Variants in DNAH14 observed in about 807,000 individuals in gnomAD.
DNAH14 encodes the protein dynein axonemal heavy chain 14, also known as axonemal beta dynein heavy chain 14.
DNAH14 carries 478 observed loss-of-function variants against 520.9 expected under a neutral mutation model. That is an observed-to-expected ratio of 0.92 (90% confidence interval 0.85 to 0.99). DNAH14 has a LOEUF of 0.99. DNAH14 is among the 50% of genes least tolerant of loss of function. DNAH14 has a pLI of 0.00. For synonymous variants in DNAH14, 1,581 were observed against 1,757.2 expected, an observed-to-expected ratio of 0.90 and a Z score of 2.51; for missense variants, 4,831 against 5,234.5, an observed-to-expected ratio of 0.92 and a Z score of 2.38.
At chr1:225,352,177 A>G (rs766659333) in intron 72 of DNAH14, among the ~76,000 whole-genome samples, 6 of 152,184 alleles carry the variant, frequency 3.9e-5, no homozygotes, top group Non-Finnish European at 5.9e-5. Context: ...GAACAAACCT[A>G]CATATTTCAT....
At chr1:225,263,055 A>G (rs2092991346) in intron 46 of DNAH14, among the ~76,000 whole-genome samples, 1 of 151,880 alleles carries the variant, frequency 6.6e-6, no homozygotes. Context: ...AAAACTAAAA[A>G]TGTTTTAAGT....
At chr1:224,936,638 A>C (rs1272528390) in intron 1 of DNAH14, among the ~76,000 whole-genome samples, 2 of 151,892 alleles carry the variant, frequency 1.3e-5, no homozygotes, top group East Asian at 3.8e-4. Context: ...TCTACCAAAC[A>C]TTTAAAGAAT....
At chr1:225,020,753 A>G (rs1307446078) in intron 10 of DNAH14, among the ~76,000 whole-genome samples, 7 of 152,130 alleles carry the variant, frequency 4.6e-5, no homozygotes, top group Non-Finnish European at 1.0e-4. Context: ...GCTAGTACCA[A>G]TCCTACTGAA....
chr1:225,179,765 A>G (rs2149282159), intron 36 of DNAH14, among the ~76,000 whole-genome samples: 1 of 152,304 alleles, frequency 6.6e-6, no homozygotes. Context: ...CAGATTGAAG[A>G]ACTCCATTTA....
chr1:225,339,169 G>A (rs905279385), intron 68 of DNAH14, among the ~76,000 whole-genome samples: 2 of 151,674 alleles, frequency 1.3e-5, no homozygotes, highest in African/African-American at 4.8e-5. Context: ...AAATTAGCCA[G>A]GTGTGGTGGT....
Position 225,119,010 on chromosome 1 carries a change from T to C in DNAH14, c.4092-210T>C, listed in dbSNP as rs1377973981. Among the ~76,000 whole-genome samples the C allele has an allele frequency of 1.6e-4, 24 of 152,088 alleles. 1 individual carries two copies. Among genetic ancestry groups the C allele is most frequent in the Admixed American group, 1.6e-3 (24 of 15,280 alleles). On this transcript the variant is annotated intron_variant, in intron 25 of 85. Coordinates refer to ENST00000682510, the MANE Select transcript of DNAH14 (RefSeq NM_001367479.1). Reference sequence around the variant, plus strand: ...ACTTATTTATTGTGTAAATTCATGATTTTGATATCAGAATTTCCTAAAGCA... The same window carrying C: ...ACTTATTTATTGTGTAAATTCATGACTTTGATATCAGAATTTCCTAAAGCA...
Position 224,991,252 on chromosome 1 carries a change from G to A in DNAH14, c.831-11531G>A, listed in dbSNP as rs551849796. Among the ~76,000 whole-genome samples, 14 of 143,320 alleles carry A rather than the reference G, an allele frequency of 9.8e-5. No homozygotes were observed. In the East Asian group the frequency reaches 2.9e-3, roughly 30 times the overall value. The allele number at this position is 143,320 out of a possible 152,430, so 94.0% of individuals were successfully genotyped here. ...AGGGACTACAAGCATGTGCCACCAT[G>A]CCCAGCTAATTTTTTTTTTTTTTTT... is the stretch of plus-strand genomic sequence containing the variant. On this transcript the variant is annotated intron_variant, in intron 8 of 85. Coordinates refer to ENST00000682510, the MANE Select transcript of DNAH14 (RefSeq NM_001367479.1).
chr1:225,396,686 T>C (rs537771314), intron 84 of DNAH14: 1 of 152,388 alleles, frequency 6.6e-6, no homozygotes, highest in East Asian at 1.9e-4. Flanking sequence ...TTCTGCTTTA[T>C]ACAAACAACC....
rs2068535035 is a variant in DNAH14 at position 225,051,513 on chromosome 1, G to A, written c.2142G>A (p.Lys714=). Residue 714 remains lysine, a synonymous_variant, in exon 17 of 86, where the codon AAG becomes AAA. Coordinates refer to ENST00000682510, the MANE Select transcript of DNAH14 (RefSeq NM_001367479.1). ...GCCTAGTTAATGCTTACAGCCACAA[G>A]TTTATAAAGTATTGTACCATGACAG... is the stretch of plus-strand genomic sequence containing the variant. ...SMGLVNAYSH[K]FIKYCTMTEK... The A allele has an allele frequency of 6.5e-7, 1 of 1,547,800 alleles. No homozygotes were observed.
intron 11 of DNAH14, among the ~76,000 whole-genome samples, chr1:225,031,644 T>C (rs1413384251): frequency 6.6e-6 from 1 of 151,398 alleles, no homozygotes; most frequent in Non-Finnish European, 1.5e-5. Context: ...TAATACAAAT[T>C]ATTTTTGTTA....
chr1:225,128,196 T>C (rs2405701), intron 27 of DNAH14, among the ~76,000 whole-genome samples: 30,200 of 151,894 alleles, frequency 0.2, 6,195 homozygotes, highest in African/African-American at 0.51. Flanking sequence ...TGGAGTTGCT[T>C]TTCTTGAGGA....
chr1:225,117,359 T>C (rs1008579845), intron 23 of DNAH14, among the ~76,000 whole-genome samples: 2 of 150,742 alleles, frequency 1.3e-5, no homozygotes, highest in Admixed American at 6.6e-5. Flanking sequence ...TTTTGATCAA[T>C]AATAATAATA....
chr1:225,393,818 T>G (rs796429886), intron 84 of DNAH14, among the ~76,000 whole-genome samples: 18 of 136,310 alleles, frequency 1.3e-4, no homozygotes, highest in African/African-American at 3.4e-4. Flanking sequence ...TTTTTTGTTT[T>G]TTTTTTGTTT....
chr1:225,211,402 A>G (rs182722699), intron 41 of DNAH14, among the ~76,000 whole-genome samples: 74 of 152,304 alleles, frequency 4.9e-4, no homozygotes, highest in Middle Eastern at 3.4e-3. Context: ...AAGAAAGAAT[A>G]TCAGAGATTA....
intron 54 of DNAH14, among the ~76,000 whole-genome samples, chr1:225,280,768 T>C (rs2093611183): frequency 6.6e-6 from 1 of 152,106 alleles, no homozygotes. Flanking sequence ...TCTTATGTAC[T>C]AGGAATTCTC....
chr1:225,239,530 G>C (rs1255549156), intron 42 of DNAH14, among the ~76,000 whole-genome samples: 1 of 152,140 alleles, frequency 6.6e-6, no homozygotes, highest in East Asian at 1.9e-4. Context: ...GTCCCAGTGA[G>C]AGAAACTGGA....
intron 13 of DNAH14, 23 bp downstream of exon 13, chr1:225,043,137 G>A: frequency 6.5e-7 from 1 of 1,534,166 alleles, no homozygotes; most frequent in Non-Finnish European, 8.8e-7. Context: ...AGACTATAAA[G>A]AATGAGGGGT....
chr1:224,969,357 C>T (rs1257342364), intron 7 of DNAH14: 1 of 156,508 alleles, frequency 6.4e-6, no homozygotes, highest in African/African-American at 2.4e-5. Context: ...TTTGACTCTA[C>T]CCAAACTTTG....
At chr1:225,059,349 T>C (rs1050420584) in intron 17 of DNAH14, among the ~76,000 whole-genome samples, 39 of 152,116 alleles carry the variant, frequency 2.6e-4, no homozygotes, top group Non-Finnish European at 4.6e-4. Flanking sequence ...GGATTGCAAC[T>C]CCTGCCTTTT....
Sources: allele counts gnomAD v4.1 joint callset (sites outside exome capture counted in the v4.1 genomes callset), GRCh38; gene constraint gnomAD v4.1.1; transcripts MANE v1.5; gene names NCBI Gene and HGNC (gene_info 2026-07-23, HGNC 2026-07-21).